The following LRP6 variants were observed in gnomAD, a reference collection of about 807,000 sequenced individuals.
LRP6 encodes low-density lipoprotein receptor-related protein 6.
A neutral mutation model predicts 184.1 loss-of-function variants in LRP6; 43 were observed. The observed-to-expected ratio is 0.23, with a 90% CI of 0.18 to 0.30. The LOEUF (loss-of-function observed/expected upper bound fraction) is 0.30, where lower values mean the gene tolerates loss of function less well. Among genes scored for constraint, LRP6 ranks in the 10% least tolerant of loss-of-function variants. The pLI is 1.00. For missense variants in LRP6, 1,571 were observed against 2,005.3 expected (o/e 0.78, Z 4.14); for synonymous variants, 719 against 684.9 (o/e 1.05, Z -0.78).
At chr12:12,133,310 T>C (rs999022612) in intron 17 of LRP6, among the ~76,000 whole-genome samples, 1 of 152,154 alleles carries the variant, frequency 6.6e-6, no homozygotes, top group African/African-American at 2.4e-5. Flanking sequence ...TGAGGCCTGG[T>C]GGGAAGTGTT....
chr12:12,265,927 T>C (rs954442161), intron 1 of LRP6, among the ~76,000 whole-genome samples: 2 of 152,100 alleles, frequency 1.3e-5, no homozygotes, highest in Non-Finnish European at 2.9e-5. Flanking sequence ...CAGAGCAAAT[T>C]ATCATTTTGG....
In LRP6 at chr12:12,163,697, T is replaced by C. The variant is rs142124893; in HGVS notation, c.2052+576A>G. ...AGCACACATTTCCTTACTCAGCTAA[T>C]TGCAGAAAATGTCATTCATCATTTT... On this transcript the variant is annotated intron_variant, in intron 9 of 22. Coordinates refer to ENST00000261349, the MANE Select transcript of LRP6 (RefSeq NM_002336.3). Among the ~76,000 whole-genome samples, 245 of 152,300 alleles carry C rather than the reference T, an allele frequency of 1.6e-3. 1 individual carries two copies. Among genetic ancestry groups the C allele is most frequent in the African/African-American group, 5.3e-3 (220 of 41,576 alleles).
chr12:12,227,080 A>C (rs1347236873), intron 2 of LRP6, among the ~76,000 whole-genome samples: 1 of 152,202 alleles, frequency 6.6e-6, no homozygotes, highest in African/African-American at 2.4e-5. Context: ...GCAGGATTAC[A>C]TCCAACTTAT....
chr12:12,250,532 G>A (rs556768319), intron 1 of LRP6, among the ~76,000 whole-genome samples: 1 of 151,572 alleles, frequency 6.6e-6, no homozygotes, highest in East Asian at 1.9e-4. Flanking sequence ...TCAGCCCTTG[G>A]AAACAAGAAC....
chr12:12,254,143 C>CAA (rs34210761), intron 1 of LRP6, among the ~76,000 whole-genome samples: 31,086 of 74,174 alleles, frequency 0.42, 7,079 homozygotes, highest in East Asian at 0.62. Context: ...GACTCTGTCT[C>CAA]AAAAAAAAAA....
intron 15 of LRP6, among the ~76,000 whole-genome samples, chr12:12,146,216 A>G (rs1450189683): frequency 6.6e-6 from 1 of 152,200 alleles, no homozygotes; most frequent in African/African-American, 2.4e-5. Flanking sequence ...ACAGCTATCT[A>G]CAAAGGAAAT....
intron 1 of LRP6, among the ~76,000 whole-genome samples, chr12:12,245,247 G>A (rs1865156688): frequency 6.6e-6 from 1 of 152,132 alleles, no homozygotes; most frequent in Admixed American, 6.5e-5. Context: ...CCATACAACA[G>A]AAAATAATGA....
At chr12:12,212,670 A>C (rs1864242670) in intron 2 of LRP6, among the ~76,000 whole-genome samples, 1 of 152,210 alleles carries the variant, frequency 6.6e-6, no homozygotes, top group Non-Finnish European at 1.5e-5. Context: ...CTCAGAAGGT[A>C]TACTAGAATA....
chr12:12,209,675 T>A (rs867648310), intron 2 of LRP6, among the ~76,000 whole-genome samples: 5 of 152,246 alleles, frequency 3.3e-5, no homozygotes, highest in South Asian at 4.1e-4. Flanking sequence ...AGAAAATTTT[T>A]AAAAAGTATT....
rs1949540186 is a variant in LRP6 at position 12,117,978 on chromosome 12, ATTT to A, written c.*3145_*3147del. On this transcript the variant is annotated 3_prime_UTR_variant, in exon 23 of 23. Transcript: ENST00000261349. The stretch of plus-strand genomic sequence containing the variant: ...GATTAAAATGTACTTTAAAGTCTTC[ATTT>A]CTAAGTACCTATCATCTCTGTAGAA... 6.6e-6 allele frequency: 1 copy of A among 152,196 alleles called. No individual in the cohort carries two copies. The highest frequency in any genetic ancestry group is 2.1e-4 in the South Asian group (1 of 4,832). 9.4% of individuals were successfully genotyped at this position (152,196 alleles called of 1,614,324 possible). A position where few individuals can be genotyped will look rare whatever the true frequency, so the allele number is the denominator to read the frequency against.
chr12:12,125,348 G>A lies in LRP6; in HGVS notation c.4397C>T (p.Thr1466Ile), dbSNP rs775085039. The A allele has an allele frequency of 6.2e-7, 1 of 1,614,050 alleles. No homozygotes were observed. The highest frequency in any genetic ancestry group is 1.7e-5 in the Admixed American group (1 of 60,010). ...TGAAGAACTACTTGATGATGCTCCTGTAACATGGGCTCGGTCATAGGGGGG... is the reference window on the plus strand; with the variant it reads ...TGAAGAACTACTTGATGATGCTCCTATAACATGGGCTCGGTCATAGGGGGG... ...SGPPYDRAHV[T>I]GASSSSSSST... The change falls in exon 21 of 23, where the codon ACA becomes ATA. Residue 1466 changes from threonine (T) to isoleucine (I), a missense_variant. Physicochemically the swap from Thr to Ile is moderately conservative, Grantham distance 89 (BLOSUM62 -1). This residue lies in a region of LRP6 where 763 missense variants were observed against 859.5 expected (regional missense o/e 0.89). Coordinates refer to ENST00000261349, the MANE Select transcript of LRP6 (RefSeq NM_002336.3).
At chr12:12,256,200 C>T (rs1241164073) in intron 1 of LRP6, among the ~76,000 whole-genome samples, 1 of 152,144 alleles carries the variant, frequency 6.6e-6, no homozygotes, top group Non-Finnish European at 1.5e-5. Context: ...ATTGACAGGG[C>T]TATTCAGAAA....
intron 1 of LRP6, among the ~76,000 whole-genome samples, chr12:12,263,564 A>G (rs1178987660): frequency 1.4e-5 from 2 of 147,806 alleles, no homozygotes; most frequent in African/African-American, 2.5e-5. Context: ...AAAAAAAAAA[A>G]GAATGTGTGA....
chr12:12,163,811 C>T (rs1862800788), intron 9 of LRP6, among the ~76,000 whole-genome samples: 1 of 152,078 alleles, frequency 6.6e-6, no homozygotes, highest in African/African-American at 2.4e-5. Context: ...TAATAAAATA[C>T]TGAATGGGCC....
In LRP6 at chr12:12,179,361, A is replaced by AAGATATAGATAT. The variant is rs71061019; in HGVS notation, c.1545+437_1545+448dup. The stretch of plus-strand genomic sequence containing the variant: ...CCCCAACACCAGTTAACAGCAATAA[A>AAGATATAGATAT]AGATATAGATATAGATATAGATATA... On this transcript the variant is annotated intron_variant, in intron 7 of 22. Transcript: ENST00000261349. Among the ~76,000 whole-genome samples, 321 of 83,870 alleles carry AAGATATAGATAT rather than the reference A, an allele frequency of 3.8e-3. 2 individuals carry two copies. Among genetic ancestry groups the AAGATATAGATAT allele is most frequent in the African/African-American group, 0.01 (295 of 28,662 alleles). 55.0% of individuals were successfully genotyped at this position (83,870 alleles called of 152,430 possible). A position where few individuals can be genotyped will look rare whatever the true frequency, so the allele number is the denominator to read the frequency against.
At chr12:12,247,923 C>T (rs370604645) in intron 1 of LRP6, among the ~76,000 whole-genome samples, 3 of 152,152 alleles carry the variant, frequency 2.0e-5, no homozygotes, top group Non-Finnish European at 4.4e-5. Context: ...TCCTGGGAAA[C>T]TTTCTCTACC....
At chr12:12,263,300 G>T (rs1865670526) in intron 1 of LRP6, among the ~76,000 whole-genome samples, 2 of 149,646 alleles carry the variant, frequency 1.3e-5, no homozygotes, top group Non-Finnish European at 3.0e-5. Flanking sequence ...ATCTGGCCGG[G>T]CGTGGTGGCT....
intron 22 of LRP6, among the ~76,000 whole-genome samples, chr12:12,123,347 A>T (rs2136835059): frequency 6.6e-6 from 1 of 152,332 alleles, no homozygotes. Context: ...AGGGAAAGCA[A>T]CATTACAACA....
chr12:12,256,963 T>G (rs1865480320), intron 1 of LRP6, among the ~76,000 whole-genome samples: 1 of 152,102 alleles, frequency 6.6e-6, no homozygotes, highest in Non-Finnish European at 1.5e-5. Flanking sequence ...TACTGACACA[T>G]GCAACATGAA....
Sources: gnomAD v4.1 joint callset for allele counts (sites outside exome capture counted in the v4.1 genomes callset) on GRCh38, gnomAD v4.1.1 for gene constraint, gnomAD v4.1.1 regional missense constraint, MANE v1.5 for transcripts, NCBI Gene and HGNC (gene_info 2026-07-23, HGNC 2026-07-21) for gene names.